COQ3: variants seen among roughly 807,000 people sequenced by gnomAD.
The protein encoded by COQ3 is coenzyme Q3, methyltransferase, also known as ubiquinone biosynthesis O-methyltransferase, mitochondrial.
A neutral mutation model predicts 33.1 loss-of-function variants in COQ3; 29 were observed. That is an observed-to-expected ratio of 0.88 (90% CI 0.65 to 1.19). COQ3 has a LOEUF of 1.19. Ranked by LOEUF, COQ3 falls within the 50% of genes most tolerant of loss-of-function variation. The pLI is 0.00. For synonymous variants in COQ3, 173 were observed against 157.8 expected (o/e 1.10, Z -0.72); for missense variants, 437 against 430.7 (o/e 1.01, Z -0.13).
intron 5 of COQ3, among the ~76,000 whole-genome samples, chr6:99,375,163 T>G (rs1774248853): frequency 6.6e-6 from 1 of 151,872 alleles, no homozygotes. Context: ...AGACGGGGTT[T>G]CTCCATGTTG....
At chr6:99,369,888 A>T in intron 6 of COQ3, 68 bp from the exon 7 acceptor site, 2 of 1,045,474 alleles carry the variant, frequency 1.9e-6, no homozygotes, top group South Asian at 3.0e-5. Flanking sequence ...CAAGAGTTTC[A>T]TGCAACTTTC....
chr6:99,374,668 A>G (rs994814832), intron 5 of COQ3, among the ~76,000 whole-genome samples: 5 of 152,200 alleles, frequency 3.3e-5, no homozygotes, highest in African/African-American at 1.2e-4. Flanking sequence ...ATTATACTAT[A>G]TAAGCATAGT....
chr6:99,387,274 C>T lies in COQ3; in HGVS notation c.107-3450G>A, dbSNP rs866932937. Among the ~76,000 whole-genome samples the T allele has an allele frequency of 3.3e-5, 5 of 152,206 alleles. No homozygotes were observed. The South Asian group carries it at 1.0e-3, about 32-fold the overall frequency. ...GACAAGTCTGGGCAACATGGTGAGA[C>T]CCTATCTCTACAGAAAAACTTAAAA... On this transcript the variant is annotated intron_variant, in intron 1 of 6. Transcript: ENST00000254759.
At chr6:99,385,949 C>T (rs1351572379) in intron 1 of COQ3, among the ~76,000 whole-genome samples, 1 of 135,292 alleles carries the variant, frequency 7.4e-6, no homozygotes, top group African/African-American at 2.8e-5. Flanking sequence ...TGCACTCCCA[C>T]CTGGGTAATG....
intron 2 of COQ3, among the ~76,000 whole-genome samples, chr6:99,380,771 G>A (rs1774452166): frequency 1.3e-5 from 2 of 152,204 alleles, no homozygotes; most frequent in Non-Finnish European, 1.5e-5. Flanking sequence ...GCTGGGCATG[G>A]TAGTGGGTAC....
intron 1 of COQ3, among the ~76,000 whole-genome samples, chr6:99,384,644 C>G (rs1272441560): frequency 6.6e-6 from 1 of 152,082 alleles, no homozygotes; most frequent in African/African-American, 2.4e-5. Flanking sequence ...TCTATATGCT[C>G]AACTTACACA....
At position 99,394,070 on chromosome 6, in the gene COQ3, T is replaced by C. The variant is rs766317250; in HGVS notation, c.106+4A>G. The C allele has an allele frequency of 6.2e-7, 1 of 1,611,314 alleles. No individual in the cohort carries two copies. The highest frequency in any genetic ancestry group is 1.1e-5 in the South Asian group (1 of 91,000). On this transcript the variant is annotated splice_donor_region_variant and intron_variant, in intron 1 of 6. Transcript: ENST00000254759. Reference sequence around the variant, plus strand: ...ATGCGAAGGACCTCCGCACACACACTCACCCGCCGAGGAAATTAAGGGACG... The same window carrying C: ...ATGCGAAGGACCTCCGCACACACACCCACCCGCCGAGGAAATTAAGGGACG...
intron 1 of COQ3, among the ~76,000 whole-genome samples, chr6:99,393,622 T>G (rs915440531): frequency 3.3e-5 from 5 of 152,176 alleles, no homozygotes; most frequent in Admixed American, 3.3e-4. Flanking sequence ...TCTGTTGGAT[T>G]AACCTATTAA....
At chr6:99,385,223 C>CTCT (rs1774590857) in intron 1 of COQ3, among the ~76,000 whole-genome samples, 1 of 152,206 alleles carries the variant, frequency 6.6e-6, no homozygotes, top group South Asian at 2.1e-4. Flanking sequence ...CAACACTCTT[C>CTCT]TCTCAGTAAT....
At chr6:99,383,462 TGAAG>T (rs1774528772) in intron 2 of COQ3, among the ~76,000 whole-genome samples, 1 of 152,234 alleles carries the variant, frequency 6.6e-6, no homozygotes, top group South Asian at 2.1e-4. Context: ...TGAATCTGAA[TGAAG>T]GTTGTTTATT....
chr6:99,392,200 T>G (rs1404065887), intron 1 of COQ3, among the ~76,000 whole-genome samples: 2 of 152,262 alleles, frequency 1.3e-5, no homozygotes, highest in African/African-American at 4.8e-5. Context: ...GAAAAGTCAT[T>G]TATTCAGCAC....
In COQ3 at chr6:99,371,602, A is replaced by G; in HGVS notation, c.730-15T>C. 6.5e-7 allele frequency: 1 copy of G among 1,546,756 alleles called. No homozygotes were observed. The highest frequency in any genetic ancestry group is 8.8e-7 in the Non-Finnish European group (1 of 1,134,110). Reference sequence around the variant, plus strand: ...GAACCACCGGGCTAAAAGAAATGAAATTATATAGAAGTAAAATGTAAAAGA... The same window carrying G: ...GAACCACCGGGCTAAAAGAAATGAAGTTATATAGAAGTAAAATGTAAAAGA... On this transcript the variant is annotated splice_polypyrimidine_tract_variant and intron_variant, in intron 5 of 6. Transcript: ENST00000254759.
At chr6:99,375,814 C>T in intron 5 of COQ3, 126 bp downstream of exon 5, 1 of 968,400 alleles carries the variant, frequency 1.0e-6, no homozygotes, top group Non-Finnish European at 1.5e-6. Flanking sequence ...ATCCAGGCTT[C>T]CTGGTTTCTT....
chr6:99,383,894 A>C, intron 1 of COQ3, 70 bp from the exon 2 acceptor site: 2 of 1,182,472 alleles, frequency 1.7e-6, no homozygotes, highest in Non-Finnish European at 2.4e-6. Context: ...CATGTAATTG[A>C]AGATTCTATT....
chr6:99,371,358 G>A lies in COQ3; in HGVS notation c.889+70C>T, dbSNP rs556986614. 1.5e-3 allele frequency: 1,541 copies of A among 1,013,954 alleles called. 3 individuals are homozygous for A. Among genetic ancestry groups the A allele is most frequent in the Non-Finnish European group, 1.7e-3 (1,194 of 682,728 alleles). 62.8% of individuals were successfully genotyped at this position (1,013,954 alleles called of 1,614,324 possible). ...TTTTATTAAGTGCTAGGCTAAGTGC[G>A]TAATAATTACTGGCATATTAAAAGT... On this transcript the variant is annotated intron_variant, in intron 6 of 6. Transcript: ENST00000254759.
At chr6:99,370,575 C>T (rs1774114680) in intron 6 of COQ3, among the ~76,000 whole-genome samples, 1 of 152,004 alleles carries the variant, frequency 6.6e-6, no homozygotes. Context: ...TCTCGAACTC[C>T]TGACCTCAAA....
In COQ3 at chr6:99,394,049, G is replaced by T. The variant is rs771416977; in HGVS notation, c.106+25C>A. On this transcript the variant is annotated intron_variant, in intron 1 of 6. Transcript: ENST00000254759. ...CCAGCGCTCGCAATTGACTGCATGC[G>T]AAGGACCTCCGCACACACACTCACC... The T allele has an allele frequency of 7.5e-6, 12 of 1,590,490 alleles. No homozygotes were observed. The East Asian group carries it at 2.2e-4, about 30-fold the overall frequency.
At position 99,371,472 on chromosome 6, in the gene COQ3, T is replaced by C. The variant is rs1774141779; in HGVS notation, c.845A>G (p.Glu282Gly). 6.2e-7 allele frequency: 1 copy of C among 1,604,000 alleles called. No individual in the cohort carries two copies. The highest frequency in any genetic ancestry group is 1.3e-5 in the African/African-American group (1 of 74,452). ...SIVPKGTHTWEKFVSPETLES... is the reference protein window; with the variant it reads ...SIVPKGTHTWGKFVSPETLES... ...TAGTGTTTCAGGTGAAACAAACTTC[T>C]CCCATGTATGAGTACCTTTTGGTAC... is the stretch of plus-strand genomic sequence containing the variant. The change falls in exon 6 of 7, where the codon GAG becomes GGG. Residue 282 changes from glutamate to glycine, a missense_variant. Transcript: ENST00000254759.
chr6:99,372,102 T>C (rs921670839), intron 5 of COQ3, among the ~76,000 whole-genome samples: 3 of 152,158 alleles, frequency 2.0e-5, no homozygotes, highest in African/African-American at 4.8e-5. Flanking sequence ...ATTTCATTTT[T>C]ATAAAAAATA....
Sources: gnomAD v4.1 joint callset for allele counts (sites outside exome capture counted in the v4.1 genomes callset) on GRCh38, gnomAD v4.1.1 for gene constraint, MANE v1.5 for transcripts, NCBI Gene and HGNC (gene_info 2026-07-23, HGNC 2026-07-21) for gene names.